RBM15B: variants seen among roughly 807,000 people sequenced by gnomAD.
RBM15B encodes the protein putative RNA-binding protein 15B.
A neutral mutation model predicts 53.3 loss-of-function variants in RBM15B; 11 were observed. The ratio of observed to expected loss-of-function variants is 0.21; its 90% CI spans 0.13 to 0.34. RBM15B has a LOEUF of 0.34. Ranked by LOEUF, RBM15B falls within the 10% of genes least tolerant of loss-of-function variation. RBM15B has a pLI of 1.00. For synonymous variants in RBM15B, 631 were observed against 540.7 expected (o/e 1.17, Z -2.32); for missense variants, 1,136 against 1,250.3 (o/e 0.91, Z 1.38).
rs2089257735 is a variant in RBM15B, at chr3:51,397,221, GTCT to G, written c.*3153_*3155del. 6.0e-6 allele frequency: 1 copy of G among 167,126 alleles called. No homozygotes were observed. Among genetic ancestry groups the G allele is most frequent in the African/African-American group, 2.4e-5 (1 of 41,460 alleles). The allele number at this position is 167,126 out of a possible 1,614,324, so 10.4% of individuals were successfully genotyped here. On this transcript the variant is annotated 3_prime_UTR_variant, in exon 1 of 1. Transcript: ENST00000563281. The stretch of plus-strand genomic sequence containing the variant: ...AAATCAAAGGAAGAAAGAGACTATG[GTCT>G]TCTATTTATTGTGGGAAGGAAAACA...
Position 51,392,303 on chromosome 3 carries a change from C to G in RBM15B, c.904C>G (p.Arg302Gly), listed in dbSNP as rs374067293. The change falls in exon 1 of 1, where the codon CGG becomes GGG. Residue 302 changes from arginine (R) to glycine (G), a missense_variant. Transcript: ENST00000563281. The surrounding 1 kb of genome is among the most constrained non-coding windows in gnomAD (Gnocchi z 7.5). ...CGCCGCCGTGGGACTGTCCCGGGAG[C>G]GGGCCCTGGACTACTACGGGCTGTA... ...AAAAVGLSRE[R>G]ALDYYGLYDD... 1 of 1,609,368 alleles carries G rather than the reference C, an allele frequency of 6.2e-7. No homozygotes were observed. Among genetic ancestry groups the G allele is most frequent in the Non-Finnish European group, 8.5e-7 (1 of 1,178,744 alleles).
rs782772430 is a variant in RBM15B at position 51,391,699 on chromosome 3, G to A, written c.300G>A (p.Ser100=). The change falls in exon 1 of 1, where the codon TCG becomes TCA. Residue 100 remains serine (S), a synonymous_variant. Coordinates refer to ENST00000563281, the MANE Select transcript of RBM15B (RefSeq NM_013286.5). The surrounding 1 kb of genome is among the most constrained non-coding windows in gnomAD (Gnocchi z 4.5). ...AGGGGRGGKA[S]GDPGASGMSP... Reference sequence around the variant, plus strand: ...GCGGGGGACGCGGCGGCAAGGCCTCGGGGGACCCGGGCGCCTCCGGCATGT... The same window carrying A: ...GCGGGGGACGCGGCGGCAAGGCCTCAGGGGACCCGGGCGCCTCCGGCATGT... The A allele has an allele frequency of 3.7e-6, 5 of 1,347,074 alleles. No individual in the cohort carries two copies. In the Admixed American group the frequency reaches 2.0e-4, roughly 54 times the overall value. 83.4% of individuals were successfully genotyped at this position (1,347,074 alleles called of 1,614,324 possible).
At position 51,394,550 on chromosome 3, in the gene RBM15B, C is replaced by CTTATTTAT; in HGVS notation, c.*481_*482insTTTATTTA. On this transcript the variant is annotated 3_prime_UTR_variant, in exon 1 of 1. Coordinates refer to ENST00000563281, the MANE Select transcript of RBM15B (RefSeq NM_013286.5). ...TTCTTCAGGCTCAGTCTGGACTCTACTTACACTCATTTTTATCTTGGCTGA... is the reference window on the plus strand; with the variant it reads ...TTCTTCAGGCTCAGTCTGGACTCTACTTATTTATTTACACTCATTTTTATCTTGGCTGA... 1 of 167,458 alleles carries CTTATTTAT rather than the reference C, an allele frequency of 6.0e-6. No homozygotes were observed. The highest frequency in any genetic ancestry group is 1.9e-4 in the East Asian group (1 of 5,172). The allele number at this position is 167,458 out of a possible 1,614,324, so 10.4% of individuals were successfully genotyped here.
chr3:51,393,096 A>G lies in RBM15B; in HGVS notation c.1697A>G (p.Tyr566Cys), dbSNP rs782063481. Reference protein sequence around the residue: ...SSDRRNSLEGYSRSVRSRSGE... With the variant: ...SSDRRNSLEGCSRSVRSRSGE... ...GACCGCCGAAACAGCCTTGAGGGCT[A>G]CAGTCGCTCAGTGCGCAGCCGGAGT... The change falls in exon 1 of 1, where the codon TAC (tyrosine) becomes TGC (cysteine). Residue 566 changes from tyrosine (Y) to cysteine (C), a missense_variant. Tyr to Cys is a radical substitution (Grantham distance 194). Around this residue, in one of 7 missense-constraint regions of RBM15B, gnomAD observed 578 missense variants for 581.6 expected, o/e 0.99. Transcript: ENST00000563281. The surrounding 1 kb of genome is among the most constrained non-coding windows in gnomAD (Gnocchi z 5.6). 1.5e-5 allele frequency: 25 copies of G among 1,613,878 alleles called. No individual in the cohort carries two copies. Among genetic ancestry groups the G allele is most frequent in the Non-Finnish European group, 2.1e-5 (25 of 1,180,018 alleles).
chr3:51,391,555 G>A lies in RBM15B; in HGVS notation c.156G>A (p.Arg52=), dbSNP rs1253352112. Reference sequence around the variant, plus strand: ...GCGCCAAGCACCCGGTTCCAGCGCGGGCCCGCGACAAACCCCGCGGCAGCG... The same window carrying A: ...GCGCCAAGCACCCGGTTCCAGCGCGAGCCCGCGACAAACCCCGCGGCAGCG... The part of the protein sequence containing the change: ...SGGAKHPVPA[R]ARDKPRGSGS... The change falls in exon 1 of 1, where the codon CGG becomes CGA. Residue 52 remains arginine, a synonymous_variant. Coordinates refer to ENST00000563281, the MANE Select transcript of RBM15B (RefSeq NM_013286.5). The surrounding 1 kb of genome is among the most constrained non-coding windows in gnomAD (Gnocchi z 4.5). 4.2e-6 allele frequency: 5 copies of A among 1,183,048 alleles called. No individual in the cohort carries two copies. In the African/African-American group the frequency reaches 6.4e-5, roughly 15 times the overall value. 73.3% of individuals were successfully genotyped at this position (1,183,048 alleles called of 1,614,324 possible).
At position 51,394,279 on chromosome 3, in the gene RBM15B, C is replaced by T; in HGVS notation, c.*207C>T. 1 of 623,680 alleles carries T rather than the reference C, an allele frequency of 1.6e-6. No homozygotes were observed. The highest frequency in any genetic ancestry group is 2.4e-6 in the Non-Finnish European group (1 of 422,800). The allele number at this position is 623,680 out of a possible 1,614,324, so 38.6% of individuals were successfully genotyped here. A position where few individuals can be genotyped will look rare whatever the true frequency, so the allele number is the denominator to read the frequency against. ...TTTTTTAAACGATGAGAAGGGAATC[C>T]GGTTATGTTGATTTCTAGTGTACAA... On this transcript the variant is annotated 3_prime_UTR_variant, in exon 1 of 1. Coordinates refer to ENST00000563281, the MANE Select transcript of RBM15B (RefSeq NM_013286.5).
At position 51,395,566 on chromosome 3, in the gene RBM15B, A is replaced by C. The variant is rs2106651592; in HGVS notation, c.*1494A>C. The C allele has an allele frequency of 2.6e-6, 1 of 387,728 alleles. No individual in the cohort carries two copies. Among genetic ancestry groups the C allele is most frequent in the South Asian group, 1.5e-4 (1 of 6,770 alleles). The allele number at this position is 387,728 out of a possible 1,614,324, so 24.0% of individuals were successfully genotyped here. On this transcript the variant is annotated 3_prime_UTR_variant, in exon 1 of 1. Transcript: ENST00000563281. ...TACCTTGGATGTTCAAACAGGGAAC[A>C]CTGTCAGGGCTGAGGAGAACAGAAG...
In RBM15B at chr3:51,393,741, G is replaced by A; in HGVS notation, c.2342G>A (p.Arg781Gln). 6.2e-7 allele frequency: 1 copy of A among 1,613,820 alleles called. No individual in the cohort carries two copies. The highest frequency in any genetic ancestry group is 8.5e-7 in the Non-Finnish European group (1 of 1,180,016). ...LDQPKLDEVTRRIKQGSPNGY... is the reference protein window; with the variant it reads ...LDQPKLDEVTQRIKQGSPNGY... Reference sequence around the variant, plus strand: ...CAGCCCAAGCTTGACGAGGTCACACGACGCATCAAGCAGGGGAGCCCCAAC... The same window carrying A: ...CAGCCCAAGCTTGACGAGGTCACACAACGCATCAAGCAGGGGAGCCCCAAC... The change falls in exon 1 of 1, where the codon CGA becomes CAA. Residue 781 changes from arginine (R) to glutamine (Q), a missense_variant. Arg to Gln is a conservative substitution (Grantham distance 43). This residue lies in a region of RBM15B where 578 missense variants were observed against 581.6 expected (regional missense o/e 0.99). Transcript: ENST00000563281. This position sits in a 1 kb window ranked among gnomAD's most constrained non-coding sequence, Gnocchi z 5.6.
At position 51,391,851 on chromosome 3, in the gene RBM15B, C is replaced by T; in HGVS notation, c.452C>T (p.Pro151Leu). The stretch of plus-strand genomic sequence containing the variant: ...ATCAGCAGCTTGAGCCCCGCGCTGC[C>T]CGCCGAGCACCTCGAGGACCGGCTC... ...LLISSLSPAL[P>L]AEHLEDRLFH... Residue 151 changes from proline to leucine, a missense_variant, in exon 1 of 1, where the codon CCC becomes CTC. Physicochemically the swap from Pro to Leu is moderately conservative, Grantham distance 98 (BLOSUM62 -3). Around this residue, in one of 7 missense-constraint regions of RBM15B, gnomAD observed 257 missense variants for 261.1 expected, o/e 0.98. Coordinates refer to ENST00000563281, the MANE Select transcript of RBM15B (RefSeq NM_013286.5). This position sits in a 1 kb window ranked among gnomAD's most constrained non-coding sequence, Gnocchi z 4.5. 1 of 1,603,244 alleles carries T rather than the reference C, an allele frequency of 6.2e-7. No homozygotes were observed.
Position 51,393,316 on chromosome 3 carries a change from C to G in RBM15B, c.1917C>G (p.Asn639Lys). Residue 639 changes from asparagine to lysine, a missense_variant, in exon 1 of 1, where the codon AAC (asparagine) becomes AAG (lysine). Asn to Lys is a moderately conservative substitution (Grantham distance 94). Coordinates refer to ENST00000563281, the MANE Select transcript of RBM15B (RefSeq NM_013286.5). This position sits in a 1 kb window ranked among gnomAD's most constrained non-coding sequence, Gnocchi z 5.6. ...DRTPERSRKENHSSEGTKESS... is the reference protein window; with the variant it reads ...DRTPERSRKEKHSSEGTKESS... ...CCCCTGAGCGCAGCCGCAAGGAGAACCACTCCAGTGAAGGGACCAAGGAGT... is the reference window on the plus strand; with the variant it reads ...CCCCTGAGCGCAGCCGCAAGGAGAAGCACTCCAGTGAAGGGACCAAGGAGT... The G allele has an allele frequency of 3.1e-6, 5 of 1,610,466 alleles. No individual in the cohort carries two copies. The highest frequency in any genetic ancestry group is 4.2e-6 in the Non-Finnish European group (5 of 1,178,418).
rs1327198453 is a variant in RBM15B at position 51,393,519 on chromosome 3, A to G, written c.2120A>G (p.Lys707Arg). The G allele has an allele frequency of 1.9e-6, 3 of 1,614,082 alleles. No individual in the cohort carries two copies. The highest frequency in any genetic ancestry group is 2.7e-5 in the African/African-American group (2 of 74,934). ...GAAGAGCCAAAACACGAGACCAAAA[A>G]GCTGAAGAATCTTTCAGAGTACGCT... ...PLEEPKHETK[K>R]LKNLSEYAQT... Residue 707 changes from lysine (K) to arginine (R), a missense_variant, in exon 1 of 1, where the codon AAG becomes AGG. Physicochemically the swap from Lys to Arg is conservative, Grantham distance 26. Transcript: ENST00000563281. The surrounding 1 kb of genome is among the most constrained non-coding windows in gnomAD (Gnocchi z 5.6).
chr3:51,394,113 A>G lies in RBM15B; in HGVS notation c.*41A>G, dbSNP rs782316284. ...CCCAGCGTCATGTTTGTGTCACAAA[A>G]GCAGTTATTTTAAAATCTGATCCCC... On this transcript the variant is annotated 3_prime_UTR_variant, in exon 1 of 1. Coordinates refer to ENST00000563281, the MANE Select transcript of RBM15B (RefSeq NM_013286.5). The G allele has an allele frequency of 7.2e-7, 1 of 1,382,462 alleles. No individual in the cohort carries two copies. Among genetic ancestry groups the G allele is most frequent in the Admixed American group, 2.8e-5 (1 of 35,848 alleles). The allele number at this position is 1,382,462 out of a possible 1,614,324, so 85.6% of individuals were successfully genotyped here. A position where few individuals can be genotyped will look rare whatever the true frequency, so the allele number is the denominator to read the frequency against.
Position 51,393,384 on chromosome 3 carries a change from A to G in RBM15B, c.1985A>G (p.Glu662Gly). The G allele has an allele frequency of 6.2e-7, 1 of 1,613,560 alleles. No homozygotes were observed. Among genetic ancestry groups the G allele is most frequent in the Non-Finnish European group, 8.5e-7 (1 of 1,179,886 alleles). Residue 662 changes from glutamate to glycine, a missense_variant, in exon 1 of 1, where the codon GAA becomes GGA. By Grantham distance (98) the Glu-to-Gly change is moderately conservative (BLOSUM62 -2). Coordinates refer to ENST00000563281, the MANE Select transcript of RBM15B (RefSeq NM_013286.5). The surrounding 1 kb of genome is among the most constrained non-coding windows in gnomAD (Gnocchi z 5.6). ...AGCAACAGCAGACATGGGGCTGAGG[A>G]ACGGGGCCACCACCACCACCACCAC... ...SLSNSRHGAE[E>G]RGHHHHHHEA...
chr3:51,393,833 G>T lies in RBM15B; in HGVS notation c.2434G>T (p.Val812Leu). 1.2e-6 allele frequency: 2 copies of T among 1,608,430 alleles called. No individual in the cohort carries two copies. Among genetic ancestry groups the T allele is most frequent in the South Asian group, 1.1e-5 (1 of 90,454 alleles). The stretch of plus-strand genomic sequence containing the variant: ...GCTTGGCACTGAGGGGATGCCCACA[G>T]TAGAGCCCGGTCTGCAGAGGCGGCT... ...SGLGTEGMPT[V>L]EPGLQRRLLR... The change falls in exon 1 of 1, where the codon GTA (valine) becomes TTA (leucine). Residue 812 changes from valine to leucine, a missense_variant. Transcript: ENST00000563281. The surrounding 1 kb of genome is among the most constrained non-coding windows in gnomAD (Gnocchi z 5.6).
rs782299848 is a variant in RBM15B, at chr3:51,392,203, C to T, written c.804C>T (p.Pro268=). Residue 268 remains proline, a synonymous_variant, in exon 1 of 1, where the codon CCC becomes CCT. Coordinates refer to ENST00000563281, the MANE Select transcript of RBM15B (RefSeq NM_013286.5). The surrounding 1 kb of genome is among the most constrained non-coding windows in gnomAD (Gnocchi z 7.5). The part of the protein sequence containing the change: ...GYQYKQRSLS[P]VAAPPLREPR... ...AGTACAAGCAGCGCTCGCTGTCCCCCGTCGCTGCCCCGCCCCTGCGGGAGC... is the reference window on the plus strand; with the variant it reads ...AGTACAAGCAGCGCTCGCTGTCCCCTGTCGCTGCCCCGCCCCTGCGGGAGC... The T allele has an allele frequency of 1.3e-5, 20 of 1,545,166 alleles. No homozygotes were observed. In the East Asian group the frequency reaches 4.1e-4, roughly 32 times the overall value.
At position 51,395,835 on chromosome 3, in the gene RBM15B, C is replaced by T. The variant is rs2089164794; in HGVS notation, c.*1763C>T. The T allele has an allele frequency of 2.4e-6, 1 of 413,516 alleles. No individual in the cohort carries two copies. Among genetic ancestry groups the T allele is most frequent in the Non-Finnish European group, 4.4e-6 (1 of 226,146 alleles). The allele number at this position is 413,516 out of a possible 1,614,324, so 25.6% of individuals were successfully genotyped here. A position where few individuals can be genotyped will look rare whatever the true frequency, so the allele number is the denominator to read the frequency against. The stretch of plus-strand genomic sequence containing the variant: ...AATGGACAGGTGCCTCGCAAGAGAG[C>T]AAGCACGTTCATAACAAAACAGCAA... On this transcript the variant is annotated 3_prime_UTR_variant, in exon 1 of 1. Coordinates refer to ENST00000563281, the MANE Select transcript of RBM15B (RefSeq NM_013286.5).
chr3:51,393,761 C>G lies in RBM15B; in HGVS notation c.2362C>G (p.Pro788Ala), dbSNP rs1553622060. 6.2e-7 allele frequency: 1 copy of G among 1,613,710 alleles called. No homozygotes were observed. Among genetic ancestry groups the G allele is most frequent in the East Asian group, 2.2e-5 (1 of 44,876 alleles). The stretch of plus-strand genomic sequence containing the variant: ...CACACGACGCATCAAGCAGGGGAGC[C>G]CCAACGGCTATGCGGTCCTCTTAGC... Reference protein sequence around the residue: ...EVTRRIKQGSPNGYAVLLATQ... With the variant: ...EVTRRIKQGSANGYAVLLATQ... The change falls in exon 1 of 1, where the codon CCC becomes GCC. Residue 788 changes from proline to alanine, a missense_variant. Physicochemically the swap from Pro to Ala is conservative, Grantham distance 27 (BLOSUM62 -1). Around this residue, in one of 7 missense-constraint regions of RBM15B, gnomAD observed 578 missense variants for 581.6 expected, o/e 0.99. Coordinates refer to ENST00000563281, the MANE Select transcript of RBM15B (RefSeq NM_013286.5). This position sits in a 1 kb window ranked among gnomAD's most constrained non-coding sequence, Gnocchi z 5.6.
At position 51,394,096 on chromosome 3, in the gene RBM15B, C is replaced by T. The variant is rs782650747; in HGVS notation, c.*24C>T. 2.9e-6 allele frequency: 4 copies of T among 1,399,796 alleles called. No homozygotes were observed. The highest frequency in any genetic ancestry group is 3.7e-6 in the Non-Finnish European group (4 of 1,071,860). 86.7% of individuals were successfully genotyped at this position (1,399,796 alleles called of 1,614,324 possible). A position where few individuals can be genotyped will look rare whatever the true frequency, so the allele number is the denominator to read the frequency against. ...AGCCCAAGCCTGTCTTTCCCAGCGT[C>T]ATGTTTGTGTCACAAAAGCAGTTAT... is the stretch of plus-strand genomic sequence containing the variant. On this transcript the variant is annotated 3_prime_UTR_variant, in exon 1 of 1. Transcript: ENST00000563281.
rs1038846938 is a variant in RBM15B, at chr3:51,392,811, C to T, written c.1412C>T (p.Ala471Val). The T allele has an allele frequency of 4.3e-6, 7 of 1,613,966 alleles. No homozygotes were observed. Among genetic ancestry groups the T allele is most frequent in the African/African-American group, 1.3e-5 (1 of 74,934 alleles). The change falls in exon 1 of 1, where the codon GCT becomes GTT. Residue 471 changes from alanine (A) to valine (V), a missense_variant. By Grantham distance (64) the Ala-to-Val change is moderately conservative (BLOSUM62 0). This residue lies in a region of RBM15B where 578 missense variants were observed against 581.6 expected (regional missense o/e 0.99). Transcript: ENST00000563281. The surrounding 1 kb of genome is among the most constrained non-coding windows in gnomAD (Gnocchi z 7.5). The stretch of plus-strand genomic sequence containing the variant: ...TTGGACGCAGCCCAGGCCGCCTGTG[C>T]TAAAATGAGGGGTTTTCCCTTGGGT... ...ESLDAAQAACAKMRGFPLGGP... is the reference protein window; with the variant it reads ...ESLDAAQAACVKMRGFPLGGP...
Sources: gnomAD v4.1 joint callset for allele counts on GRCh38, gnomAD v4.1.1 for gene constraint, gnomAD v4.1.1 regional missense constraint, Gnocchi (gnomAD v3.1) non-coding constraint, MANE v1.5 for transcripts, NCBI Gene and HGNC (gene_info 2026-07-23, HGNC 2026-07-21) for gene names.